Variants in RFX3 observed in about 807,000 individuals in gnomAD.
RFX3 encodes the protein transcription factor RFX3.
A neutral mutation model predicts 98.6 loss-of-function variants in RFX3; 14 were observed. The observed-to-expected ratio is 0.14, with a 90% CI of 0.09 to 0.22. The LOEUF (loss-of-function observed/expected upper bound fraction) is 0.22. RFX3 is among the 10% of genes least tolerant of loss of function. RFX3 has a pLI of 1.00. For synonymous variants in RFX3, 383 were observed against 328.4 expected, an observed-to-expected ratio of 1.17 and a Z score of -1.80; for missense variants, 639 against 926.9, an observed-to-expected ratio of 0.69 and a Z score of 4.03.
chr9:3,376,189 GT>G (rs1170403863), intron 2 of RFX3, among the ~76,000 whole-genome samples: 1 of 152,106 alleles, frequency 6.6e-6, no homozygotes, highest in African/African-American at 2.4e-5. Context: ...GCAATACCAA[GT>G]TTGACAAAGA....
chr9:3,283,227 C>T (rs149486254), intron 7 of RFX3, among the ~76,000 whole-genome samples: 151 of 151,764 alleles, frequency 9.9e-4, no homozygotes, highest in Middle Eastern at 3.4e-3. Context: ...CATTCTCCTC[C>T]AAAACACTAA....
At chr9:3,386,368 C>G (rs1007467292) in intron 2 of RFX3, among the ~76,000 whole-genome samples, 4 of 151,862 alleles carry the variant, frequency 2.6e-5, no homozygotes, top group Admixed American at 6.6e-5. Context: ...TTATTATAAT[C>G]AGGTACTAAC....
chr9:3,406,451 T>C (rs906199705), intron 1 of RFX3, among the ~76,000 whole-genome samples: 1 of 152,070 alleles, frequency 6.6e-6, no homozygotes, highest in African/African-American at 2.4e-5. Context: ...CTGGTATTCC[T>C]ATAGCATACT....
At chr9:3,367,561 T>C (rs1248355675) in intron 2 of RFX3, among the ~76,000 whole-genome samples, 3 of 152,202 alleles carry the variant, frequency 2.0e-5, no homozygotes, top group Non-Finnish European at 4.4e-5. Context: ...CCTTGTAATT[T>C]GATACACAGC....
rs1367576633 is a variant in RFX3 at position 3,219,583 on chromosome 9, T to C, written c.*5459A>G. On this transcript the variant is annotated 3_prime_UTR_variant, in exon 17 of 17. Coordinates refer to ENST00000617270, the MANE Select transcript of RFX3 (RefSeq NM_001282116.2). ...TTCAAATGAAAGGAAAAAAAAATCC[T>C]AGGCAGTCACTTTGTAAGTGGCTTT... 6.6e-6 allele frequency: 1 copy of C among 152,136 alleles called. No individual in the cohort carries two copies. Among genetic ancestry groups the C allele is most frequent in the East Asian group, 1.9e-4 (1 of 5,190 alleles). The allele number at this position is 152,136 out of a possible 1,614,324, so 9.4% of individuals were successfully genotyped here.
intron 7 of RFX3, among the ~76,000 whole-genome samples, chr9:3,279,279 C>T (rs796476829): frequency 8.6e-5 from 13 of 151,806 alleles, no homozygotes; most frequent in African/African-American, 3.1e-4. Context: ...TTAGCTTCCC[C>T]TTTTCAGCTA....
At chr9:3,296,539 A>G (rs1261355573) in intron 5 of RFX3, among the ~76,000 whole-genome samples, 1 of 152,074 alleles carries the variant, frequency 6.6e-6, no homozygotes, top group Non-Finnish European at 1.5e-5. Context: ...CAGTTTGTTT[A>G]TATGTATATA....
chr9:3,448,060 A>G (rs1163052693), intron 1 of RFX3, among the ~76,000 whole-genome samples: 3 of 152,152 alleles, frequency 2.0e-5, no homozygotes, highest in Non-Finnish European at 2.9e-5. Flanking sequence ...TAAAGCAAGA[A>G]TAAATCATGC....
intron 1 of RFX3, among the ~76,000 whole-genome samples, chr9:3,439,215 G>C (rs761758141): frequency 7.9e-5 from 12 of 152,006 alleles, no homozygotes; most frequent in Non-Finnish European, 1.3e-4. Context: ...ATCTATATTA[G>C]AAAATAAGAA....
intron 5 of RFX3, among the ~76,000 whole-genome samples, chr9:3,295,516 A>T (rs1040185803): frequency 1.5e-4 from 23 of 152,118 alleles, no homozygotes; most frequent in African/African-American, 4.8e-4. Flanking sequence ...GACACGAAAG[A>T]AAAAAATTCT....
intron 5 of RFX3, among the ~76,000 whole-genome samples, chr9:3,293,695 G>A (rs901348739): frequency 3.3e-5 from 5 of 152,054 alleles, no homozygotes; most frequent in South Asian, 2.1e-4. Context: ...ATGAACAGCA[G>A]GCTGCCTGGT....
At chr9:3,318,387 G>A (rs751798083) in intron 4 of RFX3, among the ~76,000 whole-genome samples, 10 of 152,044 alleles carry the variant, frequency 6.6e-5, no homozygotes, top group South Asian at 2.1e-4. Context: ...TGGAGGGAGC[G>A]GGGAGGGATA....
intron 12 of RFX3, among the ~76,000 whole-genome samples, chr9:3,264,321 C>T (rs562666257): frequency 6.6e-6 from 1 of 152,042 alleles, no homozygotes; most frequent in African/African-American, 2.4e-5. Context: ...GACACATCTA[C>T]AGGAATGTAT....
chr9:3,239,975 C>A (rs564261896), intron 15 of RFX3, among the ~76,000 whole-genome samples: 1 of 152,344 alleles, frequency 6.6e-6, no homozygotes, highest in East Asian at 1.9e-4. Flanking sequence ...CAAAAAGGGG[C>A]AGCTGTTTGC....
intron 2 of RFX3, among the ~76,000 whole-genome samples, chr9:3,352,280 A>T (rs3012676): frequency 1.6e-4 from 25 of 152,124 alleles, no homozygotes; most frequent in African/African-American, 6.0e-4. Flanking sequence ...ATATCAGCAT[A>T]TATGTTCGTA....
intron 1 of RFX3, among the ~76,000 whole-genome samples, chr9:3,455,378 C>A (rs1472692781): frequency 1.3e-5 from 2 of 152,288 alleles, no homozygotes; most frequent in East Asian, 3.9e-4. Flanking sequence ...CCTTCCCTTC[C>A]CTTCCCTTAC....
intron 3 of RFX3, among the ~76,000 whole-genome samples, chr9:3,340,389 C>G (rs1274856295): frequency 6.6e-6 from 1 of 152,118 alleles, no homozygotes; most frequent in Non-Finnish European, 1.5e-5. Context: ...CAACAAAAGC[C>G]AAAATTGACA....
intron 1 of RFX3, among the ~76,000 whole-genome samples, chr9:3,512,046 C>G (rs1442723288): frequency 6.6e-6 from 1 of 151,974 alleles, no homozygotes; most frequent in African/African-American, 2.4e-5. Context: ...ATGCATGTAT[C>G]GAAATATCCC....
intron 3 of RFX3, chr9:3,344,738 C>G (rs759670878): frequency 6.2e-5 from 40 of 645,976 alleles, no homozygotes; most frequent in Admixed American, 8.2e-5. Context: ...TGGGTGACCT[C>G]TAGCAGTGTC....
Sources: gnomAD v4.1 joint callset for allele counts (sites outside exome capture counted in the v4.1 genomes callset) on GRCh38, gnomAD v4.1.1 for gene constraint, MANE v1.5 for transcripts, NCBI Gene and HGNC (gene_info 2026-07-23, HGNC 2026-07-21) for gene names.